Variants in RILPL1 observed in about 807,000 individuals in gnomAD.
RILPL1 encodes RILP-like protein 1.
RILPL1 carries 33 observed loss-of-function variants against 50.3 expected under a neutral mutation model. The ratio of observed to expected loss-of-function variants is 0.66; its 90% CI spans 0.50 to 0.88. The LOEUF is 0.88. Ranked by LOEUF, RILPL1 falls within the 40% of genes least tolerant of loss-of-function variation. The probability of loss-of-function intolerance (pLI) is 0.00; values close to 1 mark genes in which losing one functional copy is unlikely to be tolerated. For synonymous variants in RILPL1, 205 were observed against 228.6 expected (o/e 0.90, Z 0.93); for missense variants, 418 against 542.5 (o/e 0.77, Z 2.28).
At position 123,532,707 on chromosome 12, in the gene RILPL1, G is replaced by C. The variant is rs71458805; in HGVS notation, c.309+467C>G. 3.3e-4 allele frequency among the ~76,000 whole-genome samples: 40 copies of C among 121,930 alleles called. 5 individuals carry two copies. Among genetic ancestry groups the C allele is most frequent in the Non-Finnish European group, 6.3e-4 (35 of 55,564 alleles). The allele number at this position is 121,930 out of a possible 152,430, so 80.0% of individuals were successfully genotyped here. A position where few individuals can be genotyped will look rare whatever the true frequency, so the allele number is the denominator to read the frequency against. On this transcript the variant is annotated intron_variant, in intron 1 of 6. Transcript: ENST00000376874. ...TTCCCTTTGCTCTGGGGAGACTGGG[G>C]GGGGGGGGGATGAAGAAAGGGTCCT...
chr12:123,515,254 TA>T (rs1350366025), intron 2 of RILPL1: 1 of 151,998 alleles, frequency 6.6e-6, no homozygotes, highest in Non-Finnish European at 1.5e-5. Context: ...TTTTAATTTA[TA>T]AAAAAGGACA....
chr12:123,484,040 T>TC, intron 6 of RILPL1, 140 bp downstream of exon 6: 1 of 616,722 alleles, frequency 1.6e-6, no homozygotes, highest in Non-Finnish European at 2.9e-6. Flanking sequence ...GAACTCAAAG[T>TC]CGGGGGCCAG....
At chr12:123,509,282 G>A (rs1391750871) in intron 2 of RILPL1, among the ~76,000 whole-genome samples, 23 of 152,200 alleles carry the variant, frequency 1.5e-4, no homozygotes, top group Admixed American at 1.4e-3. Context: ...GAAGGAAATC[G>A]GCTGGGCATG....
intron 2 of RILPL1, chr12:123,515,223 A>T (rs1884618376): frequency 6.6e-6 from 1 of 152,120 alleles, no homozygotes; most frequent in South Asian, 2.1e-4. Flanking sequence ...TAAAATACAG[A>T]ATTTTAATTA....
chr12:123,510,147 G>A (rs1042430360), intron 2 of RILPL1, among the ~76,000 whole-genome samples: 4 of 152,242 alleles, frequency 2.6e-5, no homozygotes, highest in Non-Finnish European at 5.9e-5. Context: ...CCCGCTTGCA[G>A]TTGTGAAGTG....
Position 123,533,510 on chromosome 12 carries a change from C to T in RILPL1, c.-28G>A. On this transcript the variant is annotated 5_prime_UTR_variant, in exon 1 of 7. Transcript: ENST00000376874. The surrounding 1 kb of genome is among the most constrained non-coding windows in gnomAD (Gnocchi z 6.2). The stretch of plus-strand genomic sequence containing the variant: ...CCACCCTCCTGGCCTGTCCCCCGCC[C>T]CGCAAACTCGTGCAACTCCCAAACT... 9 of 1,472,138 alleles carry T rather than the reference C, an allele frequency of 6.1e-6. No homozygotes were observed. The highest frequency in any genetic ancestry group is 8.1e-6 in the Non-Finnish European group (9 of 1,106,250). 91.2% of individuals were successfully genotyped at this position (1,472,138 alleles called of 1,614,324 possible).
At chr12:123,514,781 T>C (rs13302897) in intron 2 of RILPL1, among the ~76,000 whole-genome samples, 2 of 152,224 alleles carry the variant, frequency 1.3e-5, no homozygotes, top group South Asian at 2.1e-4. Context: ...TGATATACTA[T>C]ATGCTACTGA....
At chr12:123,478,941 C>G (rs1881781269) in intron 6 of RILPL1, among the ~76,000 whole-genome samples, 1 of 152,216 alleles carries the variant, frequency 6.6e-6, no homozygotes, top group African/African-American at 2.4e-5. Context: ...GCTGCTCAAT[C>G]ACAAACTATT....
chr12:123,479,944 C>T (rs901799356), intron 6 of RILPL1, among the ~76,000 whole-genome samples: 3 of 152,290 alleles, frequency 2.0e-5, no homozygotes, highest in East Asian at 1.9e-4. Flanking sequence ...GATTCGTTGG[C>T]TAATTCTGAT....
intron 2 of RILPL1, among the ~76,000 whole-genome samples, chr12:123,500,104 G>C (rs1883278224): frequency 6.6e-6 from 1 of 151,646 alleles, no homozygotes; most frequent in Non-Finnish European, 1.5e-5. Flanking sequence ...CTAAATTTTT[G>C]TATTTTTAGT....
intron 2 of RILPL1, among the ~76,000 whole-genome samples, chr12:123,510,711 G>A (rs1460685223): frequency 7.7e-6 from 1 of 129,152 alleles, no homozygotes; most frequent in Non-Finnish European, 1.7e-5. Context: ...TCTGTGTGTG[G>A]TGTCAATGTG....
chr12:123,484,674 A>ATTT (rs1882213643), intron 5 of RILPL1: 2 of 140,818 alleles, frequency 1.4e-5, no homozygotes, highest in African/African-American at 9.7e-5. Flanking sequence ...TTTTTTTTTG[A>ATTT]GACAGGGTCT....
chr12:123,513,266 G>T (rs1249521212), intron 2 of RILPL1: 1 of 291,056 alleles, frequency 3.4e-6, no homozygotes, highest in East Asian at 1.1e-4. Context: ...ACAGAAGTCA[G>T]TGCCAAAGCC....
Position 123,484,237 on chromosome 12 carries a change from G to A in RILPL1, c.1010C>T (p.Pro337Leu). 6.2e-7 allele frequency: 1 copy of A among 1,610,328 alleles called. No individual in the cohort carries two copies. The highest frequency in any genetic ancestry group is 1.1e-5 in the South Asian group (1 of 91,014). Residue 337 changes from proline (P) to leucine (L), a missense_variant, in exon 6 of 7, where the codon CCC becomes CTC. Pro to Leu is a moderately conservative substitution (Grantham distance 98). Transcript: ENST00000376874. The part of the protein sequence containing the change: ...EMEEENRIPQ[P>L]PPIAHPRTSP... The stretch of plus-strand genomic sequence containing the variant: ...CGTCCTCGGGTGGGCGATGGGTGGG[G>A]GTTGGGGTATTCGGTTTTCCTCTTC...
intron 2 of RILPL1, chr12:123,513,512 C>T (rs140548910): frequency 2.4e-4 from 52 of 213,378 alleles, no homozygotes; most frequent in African/African-American, 1.2e-3. Context: ...AGGCAGAAGC[C>T]TGGCGCCTGA....
chr12:123,502,610 G>A (rs1250558521), intron 2 of RILPL1, among the ~76,000 whole-genome samples: 1 of 152,032 alleles, frequency 6.6e-6, no homozygotes, highest in Non-Finnish European at 1.5e-5. Context: ...GGAGGGCAAG[G>A]CCCTATCTGC....
chr12:123,484,599 AT>A (rs1882206643), intron 5 of RILPL1, among the ~76,000 whole-genome samples: 1 of 145,740 alleles, frequency 6.9e-6, no homozygotes, highest in Non-Finnish European at 1.5e-5. Flanking sequence ...AGGCCTTCCG[AT>A]TTCCACCCCA....
chr12:123,470,473 CAA>C lies in RILPL1; in HGVS notation c.*2063_*2064del, dbSNP rs57574691. 5,748 of 86,176 alleles carry C rather than the reference CAA, an allele frequency of 0.067. 383 individuals are homozygous for C. The highest frequency in any genetic ancestry group is 0.21 in the African/African-American group (5,094 of 24,348). The allele number at this position is 86,176 out of a possible 1,614,324, so 5.3% of individuals were successfully genotyped here. On this transcript the variant is annotated 3_prime_UTR_variant, in exon 7 of 7. Transcript: ENST00000376874. ...AGGTGACAGAGTGAGACCCTGTGTC[CAA>C]AAAAAAAAAAAAAAAAAAGGCCAGC... is the stretch of plus-strand genomic sequence containing the variant.
chr12:123,483,068 C>T (rs1029653317), intron 6 of RILPL1, among the ~76,000 whole-genome samples: 1 of 152,242 alleles, frequency 6.6e-6, no homozygotes. Flanking sequence ...CTACACGATC[C>T]GACTGGCTTT....
Sources: allele counts gnomAD v4.1 joint callset (sites outside exome capture counted in the v4.1 genomes callset), GRCh38; gene constraint gnomAD v4.1.1; non-coding constraint Gnocchi (gnomAD v3.1); transcripts MANE v1.5; gene names NCBI Gene and HGNC (gene_info 2026-07-23, HGNC 2026-07-21).